Variants in ARHGEF18 observed in about 807,000 individuals in gnomAD.
ARHGEF18 encodes the protein Rho/Rac guanine nucleotide exchange factor 18.
A neutral mutation model predicts 155.7 loss-of-function variants in ARHGEF18; 93 were observed. The observed-to-expected ratio is 0.60, with a 90% CI of 0.50 to 0.71. ARHGEF18 has a LOEUF of 0.71. Among genes scored for constraint, ARHGEF18 ranks in the 30% least tolerant of loss-of-function variants. The pLI is 0.00. For missense variants in ARHGEF18, 1,593 were observed against 1,816.1 expected (o/e 0.88, Z 2.23); for synonymous variants, 742 against 753.1 (o/e 0.99, Z 0.24).
Position 7,375,761 on chromosome 19 carries a change from TC to T in ARHGEF18, c.322del (p.Arg108GlufsTer8). ...TCAGCTGTGGATGAGGAACCCTGTC[TC>T]CCCCGAACACTGGCCAGCCTTGCTT... ...DASAVDEEPCLPRTLASLALN... is the reference protein window; with the variant it reads ...DASAVDEEPCXPRTLASLALN... On this transcript the variant is annotated frameshift_variant, in exon 4 of 29. Coordinates refer to ENST00000668164, the MANE Select transcript of ARHGEF18 (RefSeq NM_001367823.1). LOFTEE classifies it high-confidence loss of function. The T allele has an allele frequency of 1.6e-6, 2 of 1,234,332 alleles. No homozygotes were observed. The highest frequency in any genetic ancestry group is 8.2e-5 in the South Asian group (2 of 24,410). 76.5% of individuals were successfully genotyped at this position (1,234,332 alleles called of 1,614,324 possible). A position where few individuals can be genotyped will look rare whatever the true frequency, so the allele number is the denominator to read the frequency against.
intron 8 of ARHGEF18, among the ~76,000 whole-genome samples, chr19:7,381,848 C>T (rs1427104546): frequency 1.3e-5 from 2 of 152,060 alleles, no homozygotes; most frequent in African/African-American, 4.8e-5. Flanking sequence ...TTCCTCCCTC[C>T]CTCTCTCACT....
intron 2 of ARHGEF18, among the ~76,000 whole-genome samples, chr19:7,367,338 T>G (rs1969929272): frequency 6.6e-6 from 1 of 152,118 alleles, no homozygotes; most frequent in Non-Finnish European, 1.5e-5. Context: ...GCACGGTGGC[T>G]CATGTCTGTA....
intron 10 of ARHGEF18, among the ~76,000 whole-genome samples, chr19:7,425,737 T>C (rs951740682): frequency 6.6e-6 from 1 of 150,442 alleles, no homozygotes; most frequent in Admixed American, 6.6e-5. Context: ...CAGTGGCTCA[T>C]GCCTGTAATC....
rs1210741810 is a variant in ARHGEF18, at chr19:7,375,755, C to T, written c.311C>T (p.Pro104Leu). ...GATGCCTCAGCTGTGGATGAGGAAC[C>T]CTGTCTCCCCCGAACACTGGCCAGC... ...SLDASAVDEE[P>L]CLPRTLASLA... is the part of the protein sequence containing the mutation. Residue 104 changes from proline (P) to leucine (L), a missense_variant, in exon 4 of 29, where the codon CCC becomes CTC. Pro to Leu is a moderately conservative substitution (Grantham distance 98). Transcript: ENST00000668164. 4 of 1,234,482 alleles carry T rather than the reference C, an allele frequency of 3.2e-6. No homozygotes were observed. The highest frequency in any genetic ancestry group is 2.1e-4 in the Middle Eastern group (1 of 4,840). 76.5% of individuals were successfully genotyped at this position (1,234,482 alleles called of 1,614,324 possible). A position where few individuals can be genotyped will look rare whatever the true frequency, so the allele number is the denominator to read the frequency against.
Position 7,463,206 on chromosome 19 carries a change from C to T in ARHGEF18, c.2636-612C>T, listed in dbSNP as rs112778545. ...TCCAGAGCCTTTCCGCAGAATAAGA[C>T]GGCAGAGACGGGGGTCAGTCTTTCT... On this transcript the variant is annotated intron_variant, in intron 21 of 28. Transcript: ENST00000668164. This position sits in a 1 kb window ranked among gnomAD's most constrained non-coding sequence, Gnocchi z 5.2. Among the ~76,000 whole-genome samples the T allele has an allele frequency of 6.7e-3, 1,015 of 152,256 alleles. 6 individuals carry two copies. Among genetic ancestry groups the T allele is most frequent in the African/African-American group, 0.023 (970 of 41,546 alleles).
At chr19:7,377,691 G>C (rs1970524081) in intron 5 of ARHGEF18, among the ~76,000 whole-genome samples, 1 of 151,414 alleles carries the variant, frequency 6.6e-6, no homozygotes, top group African/African-American at 2.4e-5. Flanking sequence ...TGGAGGCTGA[G>C]ATGGGAGGAT....
Position 7,373,855 on chromosome 19 carries a change from T to C in ARHGEF18, c.275+784T>C, listed in dbSNP as rs541676286. 1.7e-3 allele frequency among the ~76,000 whole-genome samples: 261 copies of C among 149,910 alleles called. 9 individuals are homozygous for C. In the South Asian group the frequency reaches 0.053, roughly 31 times the overall value. ...AGTTCCCGCTCCTATGAGAATTTTT[T>C]TTTTTTTTTTTTTGAGACAGAATCT... On this transcript the variant is annotated intron_variant, in intron 3 of 28. Transcript: ENST00000668164.
chr19:7,405,861 A>ATCC (rs58701884), intron 10 of ARHGEF18, among the ~76,000 whole-genome samples: 23,898 of 151,932 alleles, frequency 0.16, 3,951 homozygotes, highest in African/African-American at 0.42. Context: ...GGCTCAAGGG[A>ATCC]TCCTGCTTCA....
intron 1 of ARHGEF18, among the ~76,000 whole-genome samples, chr19:7,355,251 GCAT>G (rs1969258160): frequency 6.6e-6 from 1 of 151,842 alleles, no homozygotes; most frequent in East Asian, 1.9e-4. Context: ...ACATGGAAAT[GCAT>G]CATCAAACCC....
chr19:7,435,577 T>G (rs534155566), intron 10 of ARHGEF18, among the ~76,000 whole-genome samples: 15 of 151,922 alleles, frequency 9.9e-5, no homozygotes, highest in African/African-American at 3.4e-4. Context: ...GAGAGCCCCA[T>G]AAAGGAGGCA....
chr19:7,470,127 C>T lies in ARHGEF18; in HGVS notation c.3915C>T (p.Asp1305=), dbSNP rs1395599237. ...GTCTGAACCCTCTCTCTGTTCCAGA[C>T]CCTGGCTTCCCCGCCCCGAGCCCAC... ...PGRHSPAPPP[D]PGFPAPSPPP... is the part of the protein sequence containing the mutation. Residue 1305 remains aspartate (D), a splice_region_variant and synonymous_variant, in exon 29 of 29, where the codon GAC becomes GAT. Transcript: ENST00000668164. This position sits in a 1 kb window ranked among gnomAD's most constrained non-coding sequence, Gnocchi z 5.9. 2.5e-6 allele frequency: 4 copies of T among 1,612,206 alleles called. No homozygotes were observed. The highest frequency in any genetic ancestry group is 3.4e-6 in the Non-Finnish European group (4 of 1,179,748).
intron 16 of ARHGEF18, among the ~76,000 whole-genome samples, chr19:7,452,359 C>T (rs1227472898): frequency 1.3e-5 from 2 of 152,260 alleles, no homozygotes; most frequent in Middle Eastern, 3.4e-3. Context: ...GAATTCAGGC[C>T]GTGAGAGGAT....
chr19:7,375,139 G>A (rs528528957), intron 3 of ARHGEF18, among the ~76,000 whole-genome samples: 22 of 152,144 alleles, frequency 1.4e-4, no homozygotes, highest in African/African-American at 4.8e-4. Context: ...GGGCATGGTG[G>A]CACGTGCCTG....
intron 10 of ARHGEF18, among the ~76,000 whole-genome samples, chr19:7,412,128 C>T (rs938253405): frequency 3.0e-4 from 45 of 151,490 alleles, no homozygotes; most frequent in East Asian, 2.0e-4. Flanking sequence ...CTCTGCCTCC[C>T]GGGTTCAAGC....
intron 15 of ARHGEF18, among the ~76,000 whole-genome samples, chr19:7,449,639 G>C (rs1277103613): frequency 6.6e-6 from 1 of 152,066 alleles, no homozygotes; most frequent in Non-Finnish European, 1.5e-5. Context: ...TGGACAGCTT[G>C]ACAGATGATT....
intron 10 of ARHGEF18, among the ~76,000 whole-genome samples, chr19:7,400,421 G>A (rs1439325355): frequency 2.6e-5 from 4 of 152,122 alleles, no homozygotes; most frequent in African/African-American, 7.2e-5. Context: ...CTGAGTAGCT[G>A]GGACTACAAG....
chr19:7,473,982 A>G (rs1361915727), downstream of ARHGEF18, among the ~76,000 whole-genome samples: 3 of 151,280 alleles, frequency 2.0e-5, no homozygotes, highest in African/African-American at 7.3e-5. Flanking sequence ...GACCCTGTCT[A>G]TAAGAGCTTA....
intron 20 of ARHGEF18, among the ~76,000 whole-genome samples, chr19:7,461,604 G>A (rs1164390221): frequency 6.6e-5 from 10 of 152,130 alleles, no homozygotes. Context: ...AGTTTTCTAA[G>A]GCTCTAAGTT....
At chr19:7,437,639 CTT>C (rs748609658) in intron 10 of ARHGEF18, among the ~76,000 whole-genome samples, 4 of 68,684 alleles carry the variant, frequency 5.8e-5, no homozygotes, top group African/African-American at 2.4e-4. Flanking sequence ...GATCAGATTT[CTT>C]TTTTTTTTCT....
Sources: gnomAD v4.1 joint callset for allele counts (sites outside exome capture counted in the v4.1 genomes callset) on GRCh38, gnomAD v4.1.1 for gene constraint, Gnocchi (gnomAD v3.1) non-coding constraint, MANE v1.5 for transcripts, NCBI Gene and HGNC (gene_info 2026-07-23, HGNC 2026-07-21) for gene names.